Variants in GLUD1 observed in about 807,000 individuals in gnomAD.
The protein encoded by GLUD1 is glutamate dehydrogenase 1, mitochondrial.
GLUD1 carries 22 observed loss-of-function variants against 56.0 expected under a neutral mutation model. The observed-to-expected ratio is 0.39, with a 90% CI of 0.28 to 0.56. The LOEUF (loss-of-function observed/expected upper bound fraction) is 0.56. Ranked by LOEUF, GLUD1 falls within the 20% of genes least tolerant of loss-of-function variation. The pLI, the probability that GLUD1 is intolerant of heterozygous loss-of-function variation, is 0.58. For missense variants in GLUD1, 451 were observed against 732.0 expected, an observed-to-expected ratio of 0.62 and a Z score of 4.43; for synonymous variants, 223 against 269.9, an observed-to-expected ratio of 0.83 and a Z score of 1.70.
At chr10:87,051,893 G>A (rs1845640105) in intron 12 of GLUD1, 23 bp from the exon 13 acceptor site, 13 of 1,613,906 alleles carry the variant, frequency 8.1e-6, no homozygotes, top group Non-Finnish European at 1.0e-5. Flanking sequence ...AGAAAATGCA[G>A]TGAAGATGAT....
Position 87,076,603 on chromosome 10 carries a change from G to C in GLUD1, c.499C>G (p.Leu167Val). Residue 167 changes from leucine to valine, a missense_variant, in exon 2 of 13, where the codon CTG (leucine) becomes GTG (valine). Coordinates refer to ENST00000277865, the MANE Select transcript of GLUD1 (RefSeq NM_005271.5). ...SVDEVKALAS[L>V]MTYKCAVVDV... ...ACCACTGCACACTTGTATGTCATCA[G>C]AGAAGCCAAAGCTTTTACTTCATCT... The C allele has an allele frequency of 6.2e-7, 1 of 1,607,732 alleles. No individual in the cohort carries two copies. The highest frequency in any genetic ancestry group is 8.5e-7 in the Non-Finnish European group (1 of 1,174,264).
At chr10:87,085,348 C>CAA (rs10655872) in intron 1 of GLUD1, among the ~76,000 whole-genome samples, 38,828 of 112,134 alleles carry the variant, frequency 0.35, 5,860 homozygotes, top group Middle Eastern at 0.42. Flanking sequence ...ACTCCGTCTC[C>CAA]AAAAAAAAAA....
rs561923494 is a variant in GLUD1, at chr10:87,086,753, C to G, written c.445+7572G>C. Among the ~76,000 whole-genome samples the G allele has an allele frequency of 3.4e-4, 52 of 151,530 alleles. No individual in the cohort carries two copies. The South Asian group carries it at 0.011, about 32-fold the overall frequency. On this transcript the variant is annotated intron_variant, in intron 1 of 12. Coordinates refer to ENST00000277865, the MANE Select transcript of GLUD1 (RefSeq NM_005271.5). ...GGCTGAGGCAGGAGAATGGCATCAACCCAGGAGGCGGAGCTTGCAGTAAGC... is the reference window on the plus strand; with the variant it reads ...GGCTGAGGCAGGAGAATGGCATCAAGCCAGGAGGCGGAGCTTGCAGTAAGC...
At chr10:87,063,527 C>T (rs1327615704) in intron 5 of GLUD1, among the ~76,000 whole-genome samples, 1 of 152,180 alleles carries the variant, frequency 6.6e-6, no homozygotes, top group Non-Finnish European at 1.5e-5. Flanking sequence ...ACATACACAT[C>T]CCATTCATGA....
intron 1 of GLUD1, among the ~76,000 whole-genome samples, chr10:87,081,735 G>GATGC (rs1841259945): frequency 2.6e-5 from 4 of 151,918 alleles, no homozygotes. Context: ...TTGTTAAACA[G>GATGC]ATGCTTGAAG....
rs138169430 is a variant in GLUD1, at chr10:87,060,197, G to C, written c.1242C>G (p.Asp414Glu). ...GANGPTTPEA[D>E]KIFLERNIMV... ...TAATGTTTCTCTCCAGGAAGATCTT[G>C]TCAGCTTCTGGAGTTGTTGGCCCAT... The change falls in exon 9 of 13, where the codon GAC (aspartate) becomes GAG (glutamate). Residue 414 changes from aspartate (D) to glutamate (E), a missense_variant. Coordinates refer to ENST00000277865, the MANE Select transcript of GLUD1 (RefSeq NM_005271.5). 5 of 1,610,748 alleles carry C rather than the reference G, an allele frequency of 3.1e-6. No homozygotes were observed. The highest frequency in any genetic ancestry group is 4.2e-6 in the Non-Finnish European group (5 of 1,177,030).
intron 1 of GLUD1, among the ~76,000 whole-genome samples, chr10:87,088,810 A>C (rs1040687784): frequency 6.6e-6 from 1 of 152,264 alleles, no homozygotes; most frequent in Non-Finnish European, 1.5e-5. Context: ...TTTTTAATGA[A>C]GAAAACTAAG....
At chr10:87,075,474 G>A (rs890740507) in intron 3 of GLUD1, among the ~76,000 whole-genome samples, 2 of 152,106 alleles carry the variant, frequency 1.3e-5, no homozygotes, top group Non-Finnish European at 2.9e-5. Context: ...ATATTAAGTA[G>A]GTGATCTTTA....
At chr10:87,072,804 G>C (rs1435200701) in intron 4 of GLUD1, among the ~76,000 whole-genome samples, 2 of 152,200 alleles carry the variant, frequency 1.3e-5, no homozygotes, top group Non-Finnish European at 2.9e-5. Flanking sequence ...TTGAGATTTA[G>C]GGGAAGAGGA....
intron 1 of GLUD1, chr10:87,091,609 A>G: frequency 1.0e-6 from 1 of 966,770 alleles, no homozygotes; most frequent in Non-Finnish European, 1.2e-6. Context: ...TAACGGCCTC[A>G]GGTACATGTA....
intron 4 of GLUD1, among the ~76,000 whole-genome samples, 185 bp from the exon 5 acceptor site, chr10:87,068,342 A>G (rs139974792): frequency 1.3e-5 from 2 of 152,384 alleles, no homozygotes; most frequent in African/African-American, 4.8e-5. Context: ...ATGCAGACAC[A>G]TACAACATTA....
chr10:87,081,964 GA>G (rs1313759450), intron 1 of GLUD1, among the ~76,000 whole-genome samples: 9 of 122,710 alleles, frequency 7.3e-5, no homozygotes, highest in East Asian at 4.6e-4. Flanking sequence ...AAAAAAAAAA[GA>G]AAAAAAAAAG....
chr10:87,050,883 T>C lies in GLUD1; in HGVS notation c.*868A>G, dbSNP rs1430742705. On this transcript the variant is annotated 3_prime_UTR_variant, in exon 13 of 13. Coordinates refer to ENST00000277865, the MANE Select transcript of GLUD1 (RefSeq NM_005271.5). The stretch of plus-strand genomic sequence containing the variant: ...TTGTTTAATTAGTCAACCATAGATC[T>C]TCAAAAGAGAACAATTAGTTAACAT... 2 of 152,238 alleles carry C rather than the reference T, an allele frequency of 1.3e-5. No homozygotes were observed. The highest frequency in any genetic ancestry group is 4.8e-5 in the African/African-American group (2 of 41,454). The allele number at this position is 152,238 out of a possible 1,614,324, so 9.4% of individuals were successfully genotyped here.
intron 11 of GLUD1, among the ~76,000 whole-genome samples, chr10:87,054,241 TCA>T (rs1016459466): frequency 3.3e-5 from 5 of 152,172 alleles, no homozygotes; most frequent in African/African-American, 1.2e-4. Flanking sequence ...AATTCTGTTC[TCA>T]CAGACTTTAT....
At position 87,094,270 on chromosome 10, in the gene GLUD1, G is replaced by GGGGAGGGCCGCAGGGGAGGCA; in HGVS notation, c.445+34_445+54dup. ...GGCCCCGCACCGGCAGGAGGCCGGA[G>GGGGAGGGCCGCAGGGGAGGCA]GGGAGGGCCGCAGGGGAGGCAGGGA... On this transcript the variant is annotated intron_variant, in intron 1 of 12. Transcript: ENST00000277865. The surrounding 1 kb of genome is among the most constrained non-coding windows in gnomAD (Gnocchi z 6.6). The GGGGAGGGCCGCAGGGGAGGCA allele has an allele frequency of 6.5e-7, 1 of 1,545,618 alleles. No homozygotes were observed. Among genetic ancestry groups the GGGGAGGGCCGCAGGGGAGGCA allele is most frequent in the African/African-American group, 1.4e-5 (1 of 73,180 alleles).
intron 3 of GLUD1, among the ~76,000 whole-genome samples, 190 bp downstream of exon 3, chr10:87,075,778 C>T (rs530486855): frequency 1.3e-5 from 2 of 152,198 alleles, no homozygotes; most frequent in South Asian, 2.1e-4. Context: ...AAAAATTAGT[C>T]GGGCATGGTG....
At chr10:87,055,897 C>T (rs931575650) in intron 11 of GLUD1, among the ~76,000 whole-genome samples, 10 of 151,926 alleles carry the variant, frequency 6.6e-5, no homozygotes, top group Admixed American at 3.9e-4. Context: ...GGGTGGATCA[C>T]GAGGTCAGGG....
intron 4 of GLUD1, among the ~76,000 whole-genome samples, chr10:87,068,620 A>T (rs1846140152): frequency 6.6e-6 from 1 of 152,202 alleles, no homozygotes; most frequent in Non-Finnish European, 1.5e-5. Context: ...CTCCTTATCA[A>T]GTAGAGAAAA....
intron 4 of GLUD1, among the ~76,000 whole-genome samples, chr10:87,070,359 G>A (rs570745509): frequency 6.6e-6 from 1 of 152,338 alleles, no homozygotes; most frequent in South Asian, 2.1e-4. Context: ...CCAGCACTTT[G>A]GGAGGCCGAG....
Sources: allele counts gnomAD v4.1 joint callset (sites outside exome capture counted in the v4.1 genomes callset), GRCh38; gene constraint gnomAD v4.1.1; non-coding constraint Gnocchi (gnomAD v3.1); transcripts MANE v1.5; gene names NCBI Gene and HGNC (gene_info 2026-07-23, HGNC 2026-07-21).